The following RFX3 variants were observed in gnomAD, a reference collection of about 807,000 sequenced individuals.
RFX3 encodes the protein regulatory factor X3.
A neutral mutation model predicts 98.6 loss-of-function variants in RFX3; 14 were observed. The ratio of observed to expected loss-of-function variants is 0.14; its 90% CI spans 0.09 to 0.22. The LOEUF (loss-of-function observed/expected upper bound fraction) is 0.22. RFX3 is among the 10% of genes least tolerant of loss of function. The probability of loss-of-function intolerance (pLI) is 1.00; values close to 1 mark genes in which losing one functional copy is unlikely to be tolerated. For synonymous variants in RFX3, 383 were observed against 328.4 expected (o/e 1.17, Z -1.80); for missense variants, 639 against 926.9 (o/e 0.69, Z 4.03).
At chr9:3,493,666 A>C (rs940729083) in intron 1 of RFX3, among the ~76,000 whole-genome samples, 1 of 141,952 alleles carries the variant, frequency 7.0e-6, no homozygotes, top group African/African-American at 2.7e-5. Flanking sequence ...CCTGGGCGAC[A>C]AAGCGAGACT....
At chr9:3,338,731 G>T (rs766857197) in intron 3 of RFX3, among the ~76,000 whole-genome samples, 3 of 152,090 alleles carry the variant, frequency 2.0e-5, no homozygotes, top group Non-Finnish European at 4.4e-5. Flanking sequence ...GGGAACCATT[G>T]TACTAGTTGA....
At chr9:3,322,331 C>T (rs1198478163) in intron 4 of RFX3, among the ~76,000 whole-genome samples, 3 of 152,118 alleles carry the variant, frequency 2.0e-5, no homozygotes, top group Admixed American at 1.3e-4. Context: ...GGATCTTGCA[C>T]ACTTATTATT....
intron 1 of RFX3, among the ~76,000 whole-genome samples, chr9:3,482,587 A>C (rs1319075899): frequency 6.6e-6 from 1 of 152,238 alleles, no homozygotes; most frequent in Non-Finnish European, 1.5e-5. Context: ...ATTACGTTTA[A>C]TATAAAATAT....
intron 1 of RFX3, among the ~76,000 whole-genome samples, chr9:3,515,125 C>CCAAAG (rs1564196236): frequency 6.6e-6 from 1 of 152,116 alleles, no homozygotes; most frequent in Non-Finnish European, 1.5e-5. Context: ...AACCATTTAT[C>CCAAAG]CAAAGCAAAA....
chr9:3,495,817 T>C (rs917764197), intron 1 of RFX3, among the ~76,000 whole-genome samples: 3 of 152,110 alleles, frequency 2.0e-5, no homozygotes, highest in African/African-American at 7.2e-5. Context: ...TTAATCACAC[T>C]AGCTACTTCA....
intron 1 of RFX3, among the ~76,000 whole-genome samples, chr9:3,486,549 C>A (rs958832174): frequency 6.6e-6 from 1 of 152,002 alleles, no homozygotes; most frequent in Non-Finnish European, 1.5e-5. Flanking sequence ...TGCTTTATGT[C>A]CAGAATAAGC....
intron 2 of RFX3, among the ~76,000 whole-genome samples, chr9:3,363,607 T>C (rs189265147): frequency 3.9e-5 from 6 of 152,354 alleles, no homozygotes; most frequent in African/African-American, 9.6e-5. Flanking sequence ...AATAGTGATA[T>C]GCAATAATAT....
At chr9:3,271,485 C>T (rs1317708255) in intron 9 of RFX3, among the ~76,000 whole-genome samples, 1 of 144,560 alleles carries the variant, frequency 6.9e-6, no homozygotes, top group Non-Finnish European at 1.5e-5. Context: ...TCCTTCCTTC[C>T]CTTCCCTTCC....
chr9:3,411,385 C>G (rs1842455380), intron 1 of RFX3, among the ~76,000 whole-genome samples: 1 of 151,910 alleles, frequency 6.6e-6, no homozygotes, highest in South Asian at 2.1e-4. Context: ...TTTTTTGAGA[C>G]AGGGTCTCAT....
intron 1 of RFX3, among the ~76,000 whole-genome samples, chr9:3,460,378 T>C (rs1847577879): frequency 6.6e-6 from 1 of 151,990 alleles, no homozygotes; most frequent in African/African-American, 2.4e-5. Flanking sequence ...AATCTATGCA[T>C]GGATGAAACT....
intron 1 of RFX3, among the ~76,000 whole-genome samples, chr9:3,396,815 G>C (rs967099099): frequency 2.0e-5 from 3 of 152,212 alleles, no homozygotes; most frequent in Admixed American, 2.0e-4. Flanking sequence ...TTTTTCATGT[G>C]TCTTTTGGCT....
chr9:3,366,697 T>TCTTTCTTTCTTTC, intron 2 of RFX3, among the ~76,000 whole-genome samples: 1 of 67,430 alleles, frequency 1.5e-5, no homozygotes, highest in South Asian at 4.0e-4. Flanking sequence ...TTCTTTCCTT[T>TCTTTCTTTCTTTC]CTTTCTTTCT....
At chr9:3,303,038 G>A (rs1454008378) in intron 4 of RFX3, among the ~76,000 whole-genome samples, 1 of 151,700 alleles carries the variant, frequency 6.6e-6, no homozygotes, top group African/African-American at 2.4e-5. Context: ...TTATCCTACT[G>A]TTAACTTTTT....
chr9:3,361,669 A>G (rs1210609353), intron 2 of RFX3, among the ~76,000 whole-genome samples: 1 of 150,306 alleles, frequency 6.7e-6, no homozygotes, highest in Non-Finnish European at 1.5e-5. Flanking sequence ...AGGAAAAAAA[A>G]AAAAAAAAAA....
chr9:3,265,507 A>C (rs1465269174), intron 12 of RFX3, among the ~76,000 whole-genome samples: 1 of 152,218 alleles, frequency 6.6e-6, no homozygotes, highest in Non-Finnish European at 1.5e-5. Flanking sequence ...GTCATTGACA[A>C]GAAGTCACAA....
At chr9:3,449,180 A>G (rs1341510541) in intron 1 of RFX3, among the ~76,000 whole-genome samples, 1 of 152,182 alleles carries the variant, frequency 6.6e-6, no homozygotes, top group African/African-American at 2.4e-5. Flanking sequence ...AATACATAGG[A>G]GAGCAACACC....
At chr9:3,458,336 A>G (rs1217795838) in intron 1 of RFX3, among the ~76,000 whole-genome samples, 1 of 152,194 alleles carries the variant, frequency 6.6e-6, no homozygotes, top group Non-Finnish European at 1.5e-5. Flanking sequence ...CAGATCTTTA[A>G]AAGAGTGCTG....
At chr9:3,434,079 C>A (rs1360687185) in intron 1 of RFX3, among the ~76,000 whole-genome samples, 1 of 151,940 alleles carries the variant, frequency 6.6e-6, no homozygotes, top group Admixed American at 6.6e-5. Context: ...CTGGGTGGGG[C>A]CTGAGATTCT....
chr9:3,307,206 C>T (rs1462045825), intron 4 of RFX3, among the ~76,000 whole-genome samples: 1 of 152,040 alleles, frequency 6.6e-6, no homozygotes, highest in African/African-American at 2.4e-5. Context: ...ATTGCCCAGT[C>T]TCGTGTATGT....
Sources: gnomAD v4.1 joint callset for allele counts (sites outside exome capture counted in the v4.1 genomes callset) on GRCh38, gnomAD v4.1.1 for gene constraint, MANE v1.5 for transcripts, NCBI Gene and HGNC (gene_info 2026-07-23, HGNC 2026-07-21) for gene names.